SIMC1: variants seen among roughly 807,000 people sequenced by gnomAD.
SIMC1 encodes the protein SUMO-interacting motif-containing protein 1.
Under a neutral mutation model 82.3 loss-of-function variants are expected in SIMC1, and 55 were observed. That is an observed-to-expected ratio of 0.67 (90% CI 0.54 to 0.84). The LOEUF is 0.84. Among genes scored for constraint, SIMC1 ranks in the 40% least tolerant of loss-of-function variants. The pLI is 0.00. For synonymous variants in SIMC1, 353 were observed against 426.3 expected (o/e 0.83, Z 2.12); for missense variants, 915 against 1,107.2 (o/e 0.83, Z 2.46).
chr5:176,256,237 T>G (rs1761848180), intron 1 of SIMC1, among the ~76,000 whole-genome samples: 1 of 152,186 alleles, frequency 6.6e-6, no homozygotes, highest in Admixed American at 6.5e-5. Context: ...TAAAAGCAGA[T>G]CAATACTTCA....
At chr5:176,310,044 G>A (rs1764597598) in intron 4 of SIMC1, among the ~76,000 whole-genome samples, 1 of 152,206 alleles carries the variant, frequency 6.6e-6, no homozygotes, top group Non-Finnish European at 1.5e-5. Context: ...TGGCAAGTAA[G>A]CATATGAAAA....
intron 9 of SIMC1, among the ~76,000 whole-genome samples, chr5:176,340,556 G>A (rs1204992469): frequency 1.3e-5 from 2 of 152,186 alleles, no homozygotes; most frequent in South Asian, 2.1e-4. Flanking sequence ...GTCCACGGAC[G>A]GGGAAAAGCA....
chr5:176,289,393 C>G (rs1015551333), intron 1 of SIMC1, among the ~76,000 whole-genome samples: 2 of 151,276 alleles, frequency 1.3e-5, no homozygotes, highest in African/African-American at 4.9e-5. Context: ...TCTCCTACTA[C>G]TCCCCTGTCC....
At chr5:176,275,314 A>G in intron 1 of SIMC1, among the ~76,000 whole-genome samples, 1 of 151,896 alleles carries the variant, frequency 6.6e-6, no homozygotes, top group Non-Finnish European at 1.5e-5. Flanking sequence ...ATTTTTGTAC[A>G]TTGATTTTGT....
At chr5:176,293,590 T>TA (rs1763676182) in intron 2 of SIMC1, among the ~76,000 whole-genome samples, 2 of 150,432 alleles carry the variant, frequency 1.3e-5, no homozygotes, top group Non-Finnish European at 3.0e-5. Context: ...CTAAAAATAC[T>TA]AAAAAAAATT....
chr5:176,286,966 A>C (rs182377606), intron 1 of SIMC1, among the ~76,000 whole-genome samples: 2,622 of 152,338 alleles, frequency 0.017, 81 homozygotes, highest in African/African-American at 0.059. Flanking sequence ...AATCATTAAA[A>C]AGTCAGGAAA....
chr5:176,322,464 G>T lies in SIMC1; in HGVS notation c.2042+39G>T, dbSNP rs753719693. ...AGTTCTCTTTCCTGGGGCTCTTGGG[G>T]TTTAGTGTTTTAGAGAGAACAACAC... On this transcript the variant is annotated intron_variant, in intron 6 of 9. Transcript: ENST00000429602. The T allele has an allele frequency of 2.5e-5, 39 of 1,582,114 alleles. 1 individual carries two copies. In the South Asian group the frequency reaches 4.2e-4, roughly 17 times the overall value.
Position 176,243,636 on chromosome 5 carries a change from C to A in SIMC1, c.129+4999C>A, listed in dbSNP as rs1361289974. Reference sequence around the variant, plus strand: ...TCCCAGGTTCAAGCAATTTCCCCCACCTCAGCCTCCCGAGTAGCCGGGACT... The same window carrying A: ...TCCCAGGTTCAAGCAATTTCCCCCAACTCAGCCTCCCGAGTAGCCGGGACT... On this transcript the variant is annotated intron_variant, in intron 1 of 9. Transcript: ENST00000429602. Among the ~76,000 whole-genome samples, 6 of 152,122 alleles carry A rather than the reference C, an allele frequency of 3.9e-5. No individual in the cohort carries two copies. The East Asian group carries it at 1.2e-3, about 29-fold the overall frequency.
intron 1 of SIMC1, among the ~76,000 whole-genome samples, chr5:176,275,933 C>CT: frequency 6.6e-6 from 1 of 151,718 alleles, no homozygotes; most frequent in Middle Eastern, 3.4e-3. Flanking sequence ...CTAAAATTCT[C>CT]TTTTTTGGTT....
chr5:176,293,625 G>A (rs1434758242), intron 2 of SIMC1, among the ~76,000 whole-genome samples: 2 of 151,794 alleles, frequency 1.3e-5, no homozygotes, highest in East Asian at 1.9e-4. Context: ...GCACACACCT[G>A]TAGTCCCAGC....
chr5:176,319,961 C>T (rs1765086766), intron 5 of SIMC1, among the ~76,000 whole-genome samples: 1 of 152,086 alleles, frequency 6.6e-6, no homozygotes, highest in Admixed American at 6.6e-5. Flanking sequence ...AATAAGAGGA[C>T]TTGTCATTTC....
intron 7 of SIMC1, among the ~76,000 whole-genome samples, chr5:176,329,237 C>T (rs897266205): frequency 2.6e-5 from 4 of 151,336 alleles, no homozygotes; most frequent in Non-Finnish European, 4.4e-5. Flanking sequence ...TTTGGGAGGC[C>T]GAGACTGGCG....
chr5:176,251,402 C>T (rs535396835), intron 1 of SIMC1, among the ~76,000 whole-genome samples: 1 of 152,224 alleles, frequency 6.6e-6, no homozygotes, highest in South Asian at 2.1e-4. Context: ...TATGTTTTTG[C>T]AGTGGCTGGT....
At chr5:176,328,956 A>G (rs1473122962) in intron 7 of SIMC1, among the ~76,000 whole-genome samples, 1 of 152,162 alleles carries the variant, frequency 6.6e-6, no homozygotes. Context: ...GATTCACAGG[A>G]AATTGCAAAA....
At chr5:176,242,639 T>C (rs142340536) in intron 1 of SIMC1, among the ~76,000 whole-genome samples, 10 of 152,134 alleles carry the variant, frequency 6.6e-5, no homozygotes, top group Admixed American at 3.3e-4. Context: ...GTGTTGTTCA[T>C]GAATCAACTG....
At chr5:176,345,040 G>A in intron 9 of SIMC1, 143 bp from the exon 10 acceptor site, 1 of 1,003,180 alleles carries the variant, frequency 1.0e-6, no homozygotes, top group South Asian at 1.9e-5. Context: ...TGGAGTTACT[G>A]CAGGCACTCA....
At chr5:176,285,203 A>G (rs1763212796) in intron 1 of SIMC1, among the ~76,000 whole-genome samples, 1 of 152,212 alleles carries the variant, frequency 6.6e-6, no homozygotes, top group Admixed American at 6.5e-5. Flanking sequence ...ATTTTAGACC[A>G]ATATCCCTGA....
At chr5:176,286,050 G>C (rs541763142) in intron 1 of SIMC1, among the ~76,000 whole-genome samples, 1 of 152,308 alleles carries the variant, frequency 6.6e-6, no homozygotes, top group East Asian at 1.9e-4. Context: ...CGTGAAAATG[G>C]CCATACTGCC....
chr5:176,290,062 T>G lies in SIMC1; in HGVS notation c.538T>G (p.Ser180Ala). ...CTTCTTGGCAAGTCTACAGCTGTCT[T>G]CAGATGTTAGCTCCCTCTCCCCAAC... ...LSFLASLQLSSDVSSLSPTSN... is the reference protein window; with the variant it reads ...LSFLASLQLSADVSSLSPTSN... The change falls in exon 2 of 10, where the codon TCA becomes GCA. Residue 180 changes from serine to alanine, a missense_variant. Ser to Ala is a moderately conservative substitution (Grantham distance 99). Around this residue, in one of 2 missense-constraint regions of SIMC1, gnomAD observed 902 missense variants for 1,040.3 expected, o/e 0.87. Coordinates refer to ENST00000429602, the MANE Select transcript of SIMC1 (RefSeq NM_001308195.2). The G allele has an allele frequency of 6.2e-7, 1 of 1,610,424 alleles. No homozygotes were observed. The highest frequency in any genetic ancestry group is 8.5e-7 in the Non-Finnish European group (1 of 1,178,242).
Sources: gnomAD v4.1 joint callset for allele counts (sites outside exome capture counted in the v4.1 genomes callset) on GRCh38, gnomAD v4.1.1 for gene constraint, gnomAD v4.1.1 regional missense constraint, MANE v1.5 for transcripts, NCBI Gene and HGNC (gene_info 2026-07-23, HGNC 2026-07-21) for gene names.